ARIH1: variants seen among roughly 807,000 people sequenced by gnomAD.
ARIH1 encodes E3 ubiquitin-protein ligase ARIH1.
ARIH1 carries 8 observed loss-of-function variants against 85.0 expected under a neutral mutation model. The observed-to-expected ratio is 0.09, with a 90% confidence interval of 0.06 to 0.17. The LOEUF is 0.17. Among genes scored for constraint, ARIH1 ranks in the 10% least tolerant of loss-of-function variants. The pLI is 1.00. For synonymous variants in ARIH1, 238 were observed against 253.6 expected (o/e 0.94, Z 0.59); for missense variants, 311 against 718.1 (o/e 0.43, Z 6.48).
chr15:72,549,455 G>A (rs2064144015), intron 3 of ARIH1, among the ~76,000 whole-genome samples: 1 of 152,104 alleles, frequency 6.6e-6, no homozygotes, highest in Non-Finnish European at 1.5e-5. Flanking sequence ...GTAGGTAAAG[G>A]CAGAGTTGAA....
chr15:72,580,530 A>G (rs1157118237), intron 11 of ARIH1: 8 of 566,570 alleles, frequency 1.4e-5, no homozygotes, highest in Non-Finnish European at 1.8e-5. Flanking sequence ...TAATGGCTAT[A>G]CTAATTTACA....
intron 9 of ARIH1, 77 bp downstream of exon 9, chr15:72,567,254 G>C: frequency 8.9e-7 from 1 of 1,119,438 alleles, no homozygotes; most frequent in Non-Finnish European, 1.3e-6. Flanking sequence ...AAAGCAATGA[G>C]GTGACCTACT....
intron 2 of ARIH1, 56 bp from the exon 3 acceptor site, chr15:72,544,764 A>C (rs2064121962): frequency 7.0e-7 from 1 of 1,430,818 alleles, no homozygotes; most frequent in Non-Finnish European, 9.3e-7. Context: ...GTTTTTGGAG[A>C]GCTCTAACAG....
At chr15:72,524,021 A>G (rs1293961687) in intron 2 of ARIH1, among the ~76,000 whole-genome samples, 8 of 130,958 alleles carry the variant, frequency 6.1e-5, no homozygotes, top group African/African-American at 2.4e-4. Flanking sequence ...ATCTCGGCTC[A>G]CTGTAAGCTC....
chr15:72,506,499 T>C (rs1387949158), intron 1 of ARIH1, among the ~76,000 whole-genome samples: 1 of 152,168 alleles, frequency 6.6e-6, no homozygotes, highest in African/African-American at 2.4e-5. Context: ...GTTGGATTAT[T>C]TTCTTTTTTG....
At chr15:72,567,260 C>T (rs1311618763) in intron 9 of ARIH1, 83 bp downstream of exon 9, 6 of 1,022,124 alleles carry the variant, frequency 5.9e-6, no homozygotes, top group African/African-American at 3.3e-5. Flanking sequence ...ATGAGGTGAC[C>T]TACTTACAGG....
At chr15:72,564,584 A>G (rs2064211183) in intron 7 of ARIH1, among the ~76,000 whole-genome samples, 1 of 152,090 alleles carries the variant, frequency 6.6e-6, no homozygotes, top group Admixed American at 6.5e-5. Context: ...ATCGGCTTTC[A>G]CATTTTTGGT....
intron 3 of ARIH1, among the ~76,000 whole-genome samples, chr15:72,551,837 A>T (rs1278209230): frequency 1.3e-5 from 2 of 152,252 alleles, no homozygotes; most frequent in Non-Finnish European, 2.9e-5. Flanking sequence ...AAGAGAGTAT[A>T]CAGAAAAAGA....
intron 3 of ARIH1, among the ~76,000 whole-genome samples, chr15:72,546,655 CTGTGTG>C (rs35847751): frequency 1.3e-5 from 2 of 149,430 alleles, no homozygotes; most frequent in Non-Finnish European, 1.5e-5. Flanking sequence ...GCTGATTTTT[CTGTGTG>C]TGTGTGTGTG....
At position 72,536,883 on chromosome 15, in the gene ARIH1, A is replaced by G. The variant is rs147946103; in HGVS notation, c.444-7937A>G. Among the ~76,000 whole-genome samples, 242 of 152,242 alleles carry G rather than the reference A, an allele frequency of 1.6e-3. 1 individual carries two copies. Among genetic ancestry groups the G allele is most frequent in the Non-Finnish European group, 3.2e-3 (217 of 68,008 alleles). On this transcript the variant is annotated intron_variant, in intron 2 of 13. Coordinates refer to ENST00000379887, the MANE Select transcript of ARIH1 (RefSeq NM_005744.5). ...TTACAATGCTGTTTTTTTAGGTTTT[A>G]TTTTATTATAATGCCTTTTTAAAAA...
rs1166556706 is a variant in ARIH1 at position 72,596,183 on chromosome 15, A to G, written c.*12891A>G. On this transcript the variant is annotated 3_prime_UTR_variant, in exon 14 of 14. Transcript: ENST00000379887. ...AGTTCTCTCAGCTTTTGTCTATAAG[A>G]GAATGTCCTTACTTTTATTTTTGAG... 6.6e-6 allele frequency: 1 copy of G among 152,128 alleles called. No individual in the cohort carries two copies. The highest frequency in any genetic ancestry group is 1.5e-5 in the Non-Finnish European group (1 of 68,028). The allele number at this position is 152,128 out of a possible 1,614,324, so 9.4% of individuals were successfully genotyped here. A position where few individuals can be genotyped will look rare whatever the true frequency, so the allele number is the denominator to read the frequency against.
intron 2 of ARIH1, among the ~76,000 whole-genome samples, chr15:72,524,506 G>T (rs1376848767): frequency 6.6e-6 from 1 of 152,190 alleles, no homozygotes; most frequent in Non-Finnish European, 1.5e-5. Context: ...GCCAGCCCAA[G>T]CTGGTCCACT....
intron 1 of ARIH1, among the ~76,000 whole-genome samples, chr15:72,483,236 G>C (rs1297061773): frequency 6.6e-6 from 1 of 152,206 alleles, no homozygotes; most frequent in African/African-American, 2.4e-5. Context: ...GACCAGGCCA[G>C]ATTTTCACTG....
chr15:72,503,675 C>A (rs2063912644), intron 1 of ARIH1, among the ~76,000 whole-genome samples: 1 of 152,188 alleles, frequency 6.6e-6, no homozygotes, highest in Non-Finnish European at 1.5e-5. Context: ...TGACAAAATG[C>A]TACTCTTACA....
intron 2 of ARIH1, among the ~76,000 whole-genome samples, chr15:72,536,498 T>G (rs2064082544): frequency 6.6e-6 from 1 of 152,200 alleles, no homozygotes; most frequent in Non-Finnish European, 1.5e-5. Flanking sequence ...GCTTTTTGAT[T>G]AGCAAAATTT....
At chr15:72,480,568 T>C (rs1398233408) in intron 1 of ARIH1, among the ~76,000 whole-genome samples, 3 of 151,550 alleles carry the variant, frequency 2.0e-5, no homozygotes, top group Admixed American at 2.0e-4. Context: ...GCCACACTTT[T>C]TGTTGTTGTT....
intron 1 of ARIH1, among the ~76,000 whole-genome samples, chr15:72,488,128 T>G (rs2063844611): frequency 1.3e-5 from 2 of 152,314 alleles, no homozygotes; most frequent in South Asian, 2.1e-4. Flanking sequence ...CTTGAACTCC[T>G]GGGCTCAAGC....
intron 1 of ARIH1, among the ~76,000 whole-genome samples, chr15:72,478,865 C>T (rs2063804423): frequency 6.6e-6 from 1 of 152,138 alleles, no homozygotes; most frequent in South Asian, 2.1e-4. Flanking sequence ...TCTGAAATCA[C>T]TTTGTGTTGT....
At chr15:72,479,923 G>A (rs1048524899) in intron 1 of ARIH1, among the ~76,000 whole-genome samples, 2 of 150,962 alleles carry the variant, frequency 1.3e-5, no homozygotes, top group South Asian at 2.1e-4. Flanking sequence ...GCTGGAGTGC[G>A]GTGGTGCGAT....
Sources: allele counts gnomAD v4.1 joint callset (sites outside exome capture counted in the v4.1 genomes callset), GRCh38; gene constraint gnomAD v4.1.1; transcripts MANE v1.5; gene names NCBI Gene and HGNC (gene_info 2026-07-23, HGNC 2026-07-21).